GRHL2: variants seen among roughly 807,000 people sequenced by gnomAD.
GRHL2 encodes grainyhead like transcription factor 2.
In GRHL2, 21 loss-of-function variants were observed where a neutral mutation model predicts 83.8. That is an observed-to-expected ratio of 0.25 (90% CI 0.18 to 0.36). The LOEUF is 0.36. Among genes scored for constraint, GRHL2 ranks in the 10% least tolerant of loss-of-function variants. The probability of loss-of-function intolerance (pLI) is 1.00; values close to 1 mark genes in which losing one functional copy is unlikely to be tolerated. For missense variants in GRHL2, 623 were observed against 781.8 expected, an observed-to-expected ratio of 0.80 and a Z score of 2.42; for synonymous variants, 280 against 278.9, an observed-to-expected ratio of 1.00 and a Z score of -0.04.
At chr8:101,575,579 G>C (rs1002576220) in intron 6 of GRHL2, among the ~76,000 whole-genome samples, 7 of 152,128 alleles carry the variant, frequency 4.6e-5, no homozygotes, top group African/African-American at 1.7e-4. Flanking sequence ...TCTGAGAACA[G>C]TGTTTCATTC....
chr8:101,559,948 T>C (rs1163594403), intron 4 of GRHL2, among the ~76,000 whole-genome samples: 1 of 152,224 alleles, frequency 6.6e-6, no homozygotes, highest in African/African-American at 2.4e-5. Context: ...TATAGTCTCC[T>C]ATGTTGCCTT....
intron 14 of GRHL2, among the ~76,000 whole-genome samples, chr8:101,653,710 C>A (rs1460877887): frequency 6.6e-6 from 1 of 151,272 alleles, no homozygotes; most frequent in Non-Finnish European, 1.5e-5. Flanking sequence ...CCACCACACT[C>A]CAGACTGGGA....
chr8:101,494,460 GA>G (rs1461275876), intron 1 of GRHL2, among the ~76,000 whole-genome samples: 1 of 152,142 alleles, frequency 6.6e-6, no homozygotes, highest in East Asian at 1.9e-4. Flanking sequence ...GGCAGGGTAG[GA>G]AGAGGAGAGT....
At chr8:101,589,727 A>G (rs1812237826) in intron 7 of GRHL2, among the ~76,000 whole-genome samples, 1 of 152,254 alleles carries the variant, frequency 6.6e-6, no homozygotes, top group Admixed American at 6.5e-5. Context: ...ATACTAAGCC[A>G]TGGAGAGTAA....
chr8:101,617,462 A>G (rs1320646859), intron 8 of GRHL2, among the ~76,000 whole-genome samples: 1 of 152,200 alleles, frequency 6.6e-6, no homozygotes, highest in African/African-American at 2.4e-5. Flanking sequence ...GAAATGAACT[A>G]GATCAGGTCT....
chr8:101,536,637 A>G (rs1017495581), intron 1 of GRHL2, among the ~76,000 whole-genome samples: 6 of 152,228 alleles, frequency 3.9e-5, no homozygotes, highest in Non-Finnish European at 8.8e-5. Context: ...CAGAGTCTGA[A>G]TATTAAAACG....
chr8:101,601,988 C>A (rs1471677368), intron 8 of GRHL2, among the ~76,000 whole-genome samples: 1 of 152,158 alleles, frequency 6.6e-6, no homozygotes, highest in African/African-American at 2.4e-5. Flanking sequence ...GGCCCCCACC[C>A]CTCGACAGGC....
At chr8:101,597,664 A>G (rs1364848390) in intron 7 of GRHL2, among the ~76,000 whole-genome samples, 1 of 132,080 alleles carries the variant, frequency 7.6e-6, no homozygotes, top group African/African-American at 2.8e-5. Context: ...GGAACATCAC[A>G]CATCCGGGTC....
At chr8:101,511,513 A>C (rs1357518574) in intron 1 of GRHL2, among the ~76,000 whole-genome samples, 1 of 152,036 alleles carries the variant, frequency 6.6e-6, no homozygotes, top group Non-Finnish European at 1.5e-5. Flanking sequence ...ACACCTGGCT[A>C]ATTTTTGTAT....
chr8:101,646,323 T>C (rs986574681), intron 13 of GRHL2, among the ~76,000 whole-genome samples: 1 of 152,200 alleles, frequency 6.6e-6, no homozygotes, highest in African/African-American at 2.4e-5. Context: ...TGGCTAGCCT[T>C]CATACAGAGT....
chr8:101,639,766 A>G (rs891888056), intron 12 of GRHL2, among the ~76,000 whole-genome samples: 1 of 152,186 alleles, frequency 6.6e-6, no homozygotes, highest in Non-Finnish European at 1.5e-5. Context: ...AGGCCACCAT[A>G]TGTGTTCACC....
rs1484742070 is a variant in GRHL2 at position 101,669,642 on chromosome 8, GA to G, written c.*2941del. 1 of 152,140 alleles carries G rather than the reference GA, an allele frequency of 6.6e-6. No homozygotes were observed. The highest frequency in any genetic ancestry group is 1.5e-5 in the Non-Finnish European group (1 of 67,972). The allele number at this position is 152,140 out of a possible 1,614,324, so 9.4% of individuals were successfully genotyped here. ...AATAGTTTTGTAAATGGGAGAGGGG[GA>G]ATCTATAAACTATAAATACAGTTAT... On this transcript the variant is annotated 3_prime_UTR_variant, in exon 16 of 16. Coordinates refer to ENST00000646743, the MANE Select transcript of GRHL2 (RefSeq NM_024915.4).
intron 7 of GRHL2, among the ~76,000 whole-genome samples, chr8:101,588,310 T>C (rs752259489): frequency 6.6e-6 from 1 of 152,178 alleles, no homozygotes; most frequent in Non-Finnish European, 1.5e-5. Flanking sequence ...AACAGCAGTT[T>C]CCCTCCCTAA....
chr8:101,541,356 A>G (rs913075291), intron 1 of GRHL2, among the ~76,000 whole-genome samples: 4 of 152,110 alleles, frequency 2.6e-5, no homozygotes, highest in Non-Finnish European at 5.9e-5. Flanking sequence ...GATTGCTGGA[A>G]GTAGTGGTAG....
rs778497540 is a variant in GRHL2, at chr8:101,543,289, C to G, written c.69C>G (p.Phe23Leu). 3.7e-5 allele frequency: 60 copies of G among 1,613,950 alleles called. No individual in the cohort carries two copies. Among genetic ancestry groups the G allele is most frequent in the Non-Finnish European group, 4.7e-5 (55 of 1,179,986 alleles). ...ALVPMPSDPP[F>L]NTRRAYTSED... ...TGCCCATGCCCAGTGACCCTCCATT[C>G]AATACCCGAAGAGCCTACACCAGTG... The change falls in exon 2 of 16, where the codon TTC becomes TTG. Residue 23 changes from phenylalanine to leucine, a missense_variant. Coordinates refer to ENST00000646743, the MANE Select transcript of GRHL2 (RefSeq NM_024915.4).
intron 5 of GRHL2, among the ~76,000 whole-genome samples, chr8:101,571,804 C>T (rs772253386): frequency 1.3e-5 from 2 of 152,054 alleles, no homozygotes; most frequent in East Asian, 1.9e-4. Flanking sequence ...GGGCAGGAAG[C>T]GGGAGGCAAG....
At chr8:101,586,205 G>A (rs1396165851) in intron 7 of GRHL2, among the ~76,000 whole-genome samples, 3 of 151,108 alleles carry the variant, frequency 2.0e-5, no homozygotes, top group Non-Finnish European at 2.9e-5. Context: ...TCAGCCTCCC[G>A]AGTAGCTGGG....
At chr8:101,657,831 CA>C (rs202185323) in intron 14 of GRHL2, among the ~76,000 whole-genome samples, 141 of 122,964 alleles carry the variant, frequency 1.1e-3, no homozygotes, top group Middle Eastern at 4.1e-3. Context: ...CAGAGCGAAA[CA>C]AAAAAAAAAA....
At chr8:101,642,165 C>G (rs192861191) in intron 12 of GRHL2, among the ~76,000 whole-genome samples, 1 of 152,276 alleles carries the variant, frequency 6.6e-6, no homozygotes, top group East Asian at 1.9e-4. Context: ...TCTTTTCTTG[C>G]CTTGCTTTGA....
Sources: gnomAD v4.1 joint callset for allele counts (sites outside exome capture counted in the v4.1 genomes callset) on GRCh38, gnomAD v4.1.1 for gene constraint, MANE v1.5 for transcripts, NCBI Gene and HGNC (gene_info 2026-07-23, HGNC 2026-07-21) for gene names.